Variants in MAN1A2 observed in about 807,000 individuals in gnomAD.
MAN1A2 encodes mannosidase alpha class 1A member 2.
A neutral mutation model predicts 75.7 loss-of-function variants in MAN1A2; 26 were observed. The observed-to-expected ratio is 0.34, with a 90% confidence interval of 0.25 to 0.48. MAN1A2 has a LOEUF of 0.48. MAN1A2 is among the 20% of genes least tolerant of loss of function. The pLI is 0.99. For missense variants in MAN1A2, 562 were observed against 775.5 expected, an observed-to-expected ratio of 0.72 and a Z score of 3.27; for synonymous variants, 247 against 264.6, an observed-to-expected ratio of 0.93 and a Z score of 0.65.
chr1:117,520,050 C>A (rs1180471859), intron 12 of MAN1A2, among the ~76,000 whole-genome samples: 1 of 151,760 alleles, frequency 6.6e-6, no homozygotes, highest in African/African-American at 2.4e-5. Context: ...ATGTGATATC[C>A]CACATAAACA....
intron 1 of MAN1A2, among the ~76,000 whole-genome samples, chr1:117,401,480 G>T (rs1355164468): frequency 1.3e-5 from 2 of 152,136 alleles, no homozygotes; most frequent in African/African-American, 4.8e-5. Flanking sequence ...GATTGGGGTG[G>T]ATATAGAGGG....
intron 12 of MAN1A2, among the ~76,000 whole-genome samples, chr1:117,508,687 C>G (rs1651442845): frequency 1.3e-5 from 2 of 151,502 alleles, no homozygotes; most frequent in African/African-American, 4.8e-5. Context: ...GGCACATCCA[C>G]AATAGTATCA....
intron 8 of MAN1A2, among the ~76,000 whole-genome samples, chr1:117,466,752 G>A (rs1393127847): frequency 2.0e-5 from 3 of 152,122 alleles, no homozygotes; most frequent in Non-Finnish European, 4.4e-5. Context: ...GCTTAGGAGA[G>A]GGAGGTAGAG....
At position 117,380,640 on chromosome 1, in the gene MAN1A2, A is replaced by G. The variant is rs74369385; in HGVS notation, c.302+12155A>G. Among the ~76,000 whole-genome samples, 1,219 of 152,266 alleles carry G rather than the reference A, an allele frequency of 8.0e-3. 27 individuals are homozygous for G. Among genetic ancestry groups the G allele is most frequent in the African/African-American group, 0.028 (1,169 of 41,542 alleles). ...TGAAGAGACAAATTTTCCCCTATTG[A>G]ATAATATTGGCACTCTTACTGAAAA... On this transcript the variant is annotated intron_variant, in intron 1 of 12. Coordinates refer to ENST00000356554, the MANE Select transcript of MAN1A2 (RefSeq NM_006699.5).
At chr1:117,493,355 T>C (rs1289004168) in intron 9 of MAN1A2, 93 bp downstream of exon 9, 4 of 680,228 alleles carry the variant, frequency 5.9e-6, no homozygotes, top group Admixed American at 2.5e-5. Flanking sequence ...CATTTTATTA[T>C]AGACATTCAG....
intron 12 of MAN1A2, among the ~76,000 whole-genome samples, chr1:117,504,127 T>A (rs901061839): frequency 4.0e-5 from 6 of 151,468 alleles, no homozygotes; most frequent in African/African-American, 1.5e-4. Context: ...TTCTGACTTA[T>A]CCTTTGTGAT....
At chr1:117,368,512 C>A (rs1253131384) in intron 1 of MAN1A2, 27 bp downstream of exon 1, 1 of 1,565,598 alleles carries the variant, frequency 6.4e-7, no homozygotes, top group Non-Finnish European at 8.6e-7. Context: ...AGTTCTGGTA[C>A]TAACATTTGG....
chr1:117,395,463 A>G (rs1170374552), intron 1 of MAN1A2, among the ~76,000 whole-genome samples: 1 of 152,228 alleles, frequency 6.6e-6, no homozygotes, highest in Non-Finnish European at 1.5e-5. Context: ...ATTAAATAAG[A>G]TAATATATGT....
At chr1:117,515,886 C>G (rs570139973) in intron 12 of MAN1A2, 1 of 151,810 alleles carries the variant, frequency 6.6e-6, no homozygotes, top group East Asian at 1.9e-4. Flanking sequence ...CTGAACTATA[C>G]GCTGAAAAAT....
At chr1:117,478,278 T>G (rs1650383803) in intron 8 of MAN1A2, among the ~76,000 whole-genome samples, 1 of 151,966 alleles carries the variant, frequency 6.6e-6, no homozygotes, top group Non-Finnish European at 1.5e-5. Flanking sequence ...ATTAAAAACA[T>G]TATTTTCTTA....
chr1:117,390,738 G>A (rs192559244), intron 1 of MAN1A2, among the ~76,000 whole-genome samples: 1 of 151,372 alleles, frequency 6.6e-6, no homozygotes, highest in East Asian at 1.9e-4. Context: ...CCCTAATATA[G>A]ATTGGTTAAT....
chr1:117,519,844 C>G (rs1343664297), intron 12 of MAN1A2, among the ~76,000 whole-genome samples: 2 of 151,940 alleles, frequency 1.3e-5, no homozygotes, highest in East Asian at 3.9e-4. Context: ...CCAGCATCGC[C>G]CTAATACCAA....
intron 6 of MAN1A2, among the ~76,000 whole-genome samples, chr1:117,458,715 G>A (rs562975429): frequency 2.2e-4 from 34 of 151,466 alleles, no homozygotes; most frequent in African/African-American, 7.8e-4. Context: ...GTAGAAATGG[G>A]GTTTCACCAT....
At chr1:117,447,280 A>T (rs1649265992) in intron 6 of MAN1A2, among the ~76,000 whole-genome samples, 1 of 152,144 alleles carries the variant, frequency 6.6e-6, no homozygotes, top group Non-Finnish European at 1.5e-5. Context: ...AACACTTTAT[A>T]TATAATCTCA....
Position 117,526,880 on chromosome 1 carries a change from C to CTCTCTCTCTCTCTCTATATATATATATA in MAN1A2, c.*3924_*3925insCTCTCTCTCTCTCTATATATATATATAT. The CTCTCTCTCTCTCTCTATATATATATATA allele has an allele frequency of 7.3e-5, 4 of 54,518 alleles. No individual in the cohort carries two copies. The highest frequency in any genetic ancestry group is 1.4e-4 in the Non-Finnish European group (4 of 29,160). 3.4% of individuals were successfully genotyped at this position (54,518 alleles called of 1,614,324 possible). A position where few individuals can be genotyped will look rare whatever the true frequency, so the allele number is the denominator to read the frequency against. On this transcript the variant is annotated 3_prime_UTR_variant, in exon 13 of 13. Transcript: ENST00000356554. ...TCTCTCTCTCTCTCTCTCTCTCTCT[C>CTCTCTCTCTCTCTCTATATATATATATA]TATATATATATATATATATATATAT... is the stretch of plus-strand genomic sequence containing the variant.
At chr1:117,478,420 A>C (rs1189591601) in intron 8 of MAN1A2, among the ~76,000 whole-genome samples, 1 of 151,964 alleles carries the variant, frequency 6.6e-6, no homozygotes, top group Non-Finnish European at 1.5e-5. Flanking sequence ...CTAATTAGGA[A>C]GTCCATTTTT....
chr1:117,490,015 A>G (rs944709961), intron 8 of MAN1A2, among the ~76,000 whole-genome samples: 7 of 151,918 alleles, frequency 4.6e-5, no homozygotes, highest in African/African-American at 1.4e-4. Context: ...GTTTGTAGAA[A>G]ATCCAGGATA....
chr1:117,420,689 G>C (rs1244584485), intron 5 of MAN1A2, 40 bp downstream of exon 5: 1 of 1,410,818 alleles, frequency 7.1e-7, no homozygotes, highest in Admixed American at 1.7e-5. Flanking sequence ...TTTTGGAGGG[G>C]AGGGTTGGAA....
In MAN1A2 at chr1:117,429,009, C is replaced by T. The variant is rs1203779491; in HGVS notation, c.855+8360C>T. ...ATTAGGGATTGGTGATGACTCTTAACGAGCATGCTGCCTTCAAGCATCTGT... is the reference window on the plus strand; with the variant it reads ...ATTAGGGATTGGTGATGACTCTTAATGAGCATGCTGCCTTCAAGCATCTGT... On this transcript the variant is annotated intron_variant, in intron 5 of 12. Coordinates refer to ENST00000356554, the MANE Select transcript of MAN1A2 (RefSeq NM_006699.5). 4.1e-5 allele frequency among the ~76,000 whole-genome samples: 6 copies of T among 145,268 alleles called. No individual in the cohort carries two copies. In the South Asian group the frequency reaches 6.7e-4, roughly 16 times the overall value.
Sources: gnomAD v4.1 joint callset for allele counts (sites outside exome capture counted in the v4.1 genomes callset) on GRCh38, gnomAD v4.1.1 for gene constraint, MANE v1.5 for transcripts, NCBI Gene and HGNC (gene_info 2026-07-23, HGNC 2026-07-21) for gene names.